Variants in CNTN5 observed in about 807,000 individuals in gnomAD.
CNTN5 encodes the protein contactin 5.
Under a neutral mutation model 129.1 loss-of-function variants are expected in CNTN5, and 77 were observed. The observed-to-expected ratio is 0.60, with a 90% CI of 0.50 to 0.72. The LOEUF is 0.72. CNTN5 is among the 30% of genes least tolerant of loss of function. CNTN5 has a pLI of 0.00. For synonymous variants in CNTN5, 509 were observed against 465.6 expected (o/e 1.09, Z -1.20); for missense variants, 1,478 against 1,328.8 (o/e 1.11, Z -1.75).
intron 18 of CNTN5, among the ~76,000 whole-genome samples, chr11:100,289,138 G>T (rs545772586): frequency 6.6e-6 from 1 of 151,814 alleles, no homozygotes; most frequent in African/African-American, 2.4e-5. Context: ...ACCAAAAAGA[G>T]TCCAGGACCA....
intron 3 of CNTN5, among the ~76,000 whole-genome samples, chr11:99,660,448 G>C (rs1952553621): frequency 6.6e-6 from 1 of 152,036 alleles, no homozygotes; most frequent in Non-Finnish European, 1.5e-5. Flanking sequence ...TCAAAACTCA[G>C]AAAATTATGC....
At chr11:99,468,716 T>A (rs1277451930) in intron 2 of CNTN5, among the ~76,000 whole-genome samples, 1 of 151,522 alleles carries the variant, frequency 6.6e-6, no homozygotes, top group Non-Finnish European at 1.5e-5. Flanking sequence ...GCTGCATTGA[T>A]GTTTATTGTT....
chr11:100,262,888 T>C (rs1429866874), intron 17 of CNTN5, among the ~76,000 whole-genome samples: 1 of 151,788 alleles, frequency 6.6e-6, no homozygotes, highest in Non-Finnish European at 1.5e-5. Context: ...TGTATTCCTA[T>C]GTAACAAACC....
At chr11:100,037,414 T>C (rs1942083875) in intron 9 of CNTN5, among the ~76,000 whole-genome samples, 7 of 152,152 alleles carry the variant, frequency 4.6e-5, no homozygotes. Context: ...ATCAAGGATA[T>C]TGGTCTAAAA....
At chr11:100,036,409 C>G (rs572101065) in intron 9 of CNTN5, among the ~76,000 whole-genome samples, 1 of 151,520 alleles carries the variant, frequency 6.6e-6, no homozygotes, top group Non-Finnish European at 1.5e-5. Flanking sequence ...CGTGATGCCT[C>G]CAGCTTTGTT....
At chr11:99,446,168 A>T (rs1441999972) in intron 2 of CNTN5, among the ~76,000 whole-genome samples, 7 of 147,594 alleles carry the variant, frequency 4.7e-5, no homozygotes, top group African/African-American at 2.5e-5. Flanking sequence ...GCTGCATCTT[A>T]TCTTAGTTTC....
rs554228086 is a variant in CNTN5, at chr11:100,318,201, A to G, written c.2730+9733A>G. Among the ~76,000 whole-genome samples, 170 of 144,990 alleles carry G rather than the reference A, an allele frequency of 1.2e-3. 1 individual carries two copies. Among genetic ancestry groups the G allele is most frequent in the Middle Eastern group, 0.011 (3 of 266 alleles). ...ACTTGCAGTGAGCCGAGATCGCGCCACTGCACTCCAGCCTGGGCAATAGAG... is the reference window on the plus strand; with the variant it reads ...ACTTGCAGTGAGCCGAGATCGCGCCGCTGCACTCCAGCCTGGGCAATAGAG... On this transcript the variant is annotated intron_variant, in intron 21 of 24. Coordinates refer to ENST00000524871, the MANE Select transcript of CNTN5 (RefSeq NM_014361.4).
At chr11:99,754,053 G>A (rs1467498811) in intron 3 of CNTN5, among the ~76,000 whole-genome samples, 2 of 151,858 alleles carry the variant, frequency 1.3e-5, no homozygotes, top group African/African-American at 4.8e-5. Context: ...ACACATTTAT[G>A]TGTGACAGTC....
intron 3 of CNTN5, among the ~76,000 whole-genome samples, chr11:99,578,406 T>G (rs1410592152): frequency 6.9e-6 from 1 of 145,944 alleles, no homozygotes; most frequent in African/African-American, 2.5e-5. Flanking sequence ...ATCGCCACAA[T>G]GACTTCCACA....
At chr11:99,879,521 AC>A (rs1202732191) in intron 6 of CNTN5, among the ~76,000 whole-genome samples, 1 of 152,226 alleles carries the variant, frequency 6.6e-6, no homozygotes, top group Non-Finnish European at 1.5e-5. Context: ...ATGAAATGCT[AC>A]AGGTTTAAGA....
intron 6 of CNTN5, among the ~76,000 whole-genome samples, chr11:99,909,992 C>T (rs756963557): frequency 6.6e-6 from 1 of 151,998 alleles, no homozygotes; most frequent in Non-Finnish European, 1.5e-5. Flanking sequence ...AGCATTATAT[C>T]ATGTGGTGTA....
intron 3 of CNTN5, among the ~76,000 whole-genome samples, chr11:99,674,390 C>T (rs1225582893): frequency 1.3e-5 from 2 of 151,994 alleles, no homozygotes; most frequent in Admixed American, 6.6e-5. Flanking sequence ...ATTTTTCTCC[C>T]GTTATGTAGG....
intron 3 of CNTN5, among the ~76,000 whole-genome samples, chr11:99,590,958 CTAATA>C (rs765783106): frequency 6.6e-6 from 1 of 152,098 alleles, no homozygotes; most frequent in Non-Finnish European, 1.5e-5. Context: ...AAAGCATAAA[CTAATA>C]TAACTATACA....
At chr11:100,001,834 T>C (rs1398855458) in intron 8 of CNTN5, among the ~76,000 whole-genome samples, 200 bp from the exon 9 acceptor site, 2 of 152,212 alleles carry the variant, frequency 1.3e-5, no homozygotes, top group Non-Finnish European at 2.9e-5. Context: ...GCATGTAATC[T>C]AGTCCTCAGG....
chr11:100,071,558 G>T, intron 11 of CNTN5, 147 bp from the exon 12 acceptor site: 1 of 436,536 alleles, frequency 2.3e-6, no homozygotes, highest in South Asian at 7.4e-5. Flanking sequence ...ATAAAATAAT[G>T]AACAGTACAT....
At chr11:99,596,582 T>TA (rs1950133649) in intron 3 of CNTN5, among the ~76,000 whole-genome samples, 1 of 152,216 alleles carries the variant, frequency 6.6e-6, no homozygotes, top group African/African-American at 2.4e-5. Context: ...AATGTTTTCT[T>TA]ATATGTCTTT....
intron 9 of CNTN5, among the ~76,000 whole-genome samples, chr11:100,005,544 C>A (rs746243296): frequency 2.0e-5 from 3 of 152,144 alleles, no homozygotes; most frequent in Non-Finnish European, 4.4e-5. Context: ...TTGGCAACAG[C>A]AAATCTCTAG....
In CNTN5 at chr11:99,696,173, G is replaced by A. The variant is rs1310755060; in HGVS notation, c.56-123371G>A. On this transcript the variant is annotated intron_variant, in intron 3 of 24. Transcript: ENST00000524871. ...CTTTATACCTGTATATCAGCCATAA[G>A]CCTGGAGCATTGTGTGAGGTTAAAA... Among the ~76,000 whole-genome samples the A allele has an allele frequency of 5.9e-5, 9 of 152,004 alleles. 1 individual carries two copies. The highest frequency in any genetic ancestry group is 1.3e-4 in the Non-Finnish European group (9 of 67,982).
chr11:99,699,604 G>A (rs901596840), intron 3 of CNTN5, among the ~76,000 whole-genome samples: 2 of 151,410 alleles, frequency 1.3e-5, no homozygotes, highest in Non-Finnish European at 1.5e-5. Context: ...TGTGCCTAGC[G>A]AAGTATTAAG....
Sources: allele counts gnomAD v4.1 joint callset (sites outside exome capture counted in the v4.1 genomes callset), GRCh38; gene constraint gnomAD v4.1.1; transcripts MANE v1.5; gene names NCBI Gene and HGNC (gene_info 2026-07-23, HGNC 2026-07-21).